The following NETO2 variants were observed in gnomAD, a reference collection of about 807,000 sequenced individuals.
NETO2 encodes neuropilin and tolloid like 2, also known as neuropilin and tolloid-like protein 2.
In NETO2, 28 loss-of-function variants were observed where a neutral mutation model predicts 62.5. That is an observed-to-expected ratio of 0.45 (90% CI 0.33 to 0.61). The LOEUF is 0.61. NETO2 is among the 20% of genes least tolerant of loss of function. The pLI is 0.02. For missense variants in NETO2, 548 were observed against 643.2 expected, an observed-to-expected ratio of 0.85 and a Z score of 1.60; for synonymous variants, 214 against 219.1, an observed-to-expected ratio of 0.98 and a Z score of 0.21.
At chr16:47,123,383 G>A (rs969418963) in intron 4 of NETO2, among the ~76,000 whole-genome samples, 2 of 152,244 alleles carry the variant, frequency 1.3e-5, no homozygotes, top group Non-Finnish European at 2.9e-5. Flanking sequence ...GCTCATGCCT[G>A]TAGTGCCAGC....
intron 4 of NETO2, among the ~76,000 whole-genome samples, chr16:47,123,988 C>T (rs1167497314): frequency 6.6e-6 from 1 of 152,208 alleles, no homozygotes; most frequent in East Asian, 1.9e-4. Flanking sequence ...TGAGCCACTG[C>T]ACCCGGACTG....
intron 1 of NETO2, among the ~76,000 whole-genome samples, chr16:47,134,739 G>T (rs1400238952): frequency 6.6e-6 from 1 of 152,194 alleles, no homozygotes; most frequent in African/African-American, 2.4e-5. Context: ...AGGCAAGACA[G>T]CAACGGCAAC....
intron 7 of NETO2, among the ~76,000 whole-genome samples, chr16:47,090,852 A>G (rs1963297590): frequency 6.6e-6 from 1 of 152,202 alleles, no homozygotes; most frequent in South Asian, 2.1e-4. Context: ...ATTCTGTATC[A>G]TTCATTTTAG....
rs1425396696 is a variant in NETO2 at position 47,083,413 on chromosome 16, T to C, written c.1386A>G (p.Arg462=). The C allele has an allele frequency of 1.1e-5, 18 of 1,614,088 alleles. No individual in the cohort carries two copies. Among genetic ancestry groups the C allele is most frequent in the Non-Finnish European group, 1.4e-5 (17 of 1,180,050 alleles). Residue 462 remains arginine, a synonymous_variant, in exon 9 of 9, where the codon CGA becomes CGG. Transcript: ENST00000562435. ...TTGGCTGTGGTTGTGCAAAGTCATT[T>C]CGGAAAGGAAGTTCCATGGAACTGA... ...TNLSSMELPF[R]NDFAQPQPMK...
rs772236903 is a variant in NETO2 at position 47,129,349 on chromosome 16, C to T, written c.107G>A (p.Gly36Glu). The T allele has an allele frequency of 1.2e-6, 2 of 1,613,864 alleles. No homozygotes were observed. The highest frequency in any genetic ancestry group is 1.3e-5 in the African/African-American group (1 of 75,018). Reference protein sequence around the residue: ...AQKTQDGQNIGIKHIPATQCG... With the variant: ...AQKTQDGQNIEIKHIPATQCG... ...CTGGGTTGCAGGAATATGCTTGATT[C>T]CAATATTTTGTCCATCTTAGGGAAA... Residue 36 changes from glycine (G) to glutamate (E), a missense_variant, in exon 3 of 9, where the codon GGA becomes GAA. Gly to Glu is a moderately conservative substitution (Grantham distance 98). Coordinates refer to ENST00000562435, the MANE Select transcript of NETO2 (RefSeq NM_018092.5).
chr16:47,136,381 A>G (rs756797303), intron 1 of NETO2, among the ~76,000 whole-genome samples: 28 of 152,158 alleles, frequency 1.8e-4, no homozygotes, highest in South Asian at 8.3e-4. Flanking sequence ...AAAAGCTCAG[A>G]AATAGATATA....
intron 6 of NETO2, among the ~76,000 whole-genome samples, chr16:47,120,443 C>T (rs945992277): frequency 6.6e-6 from 1 of 152,118 alleles, no homozygotes; most frequent in Admixed American, 6.5e-5. Flanking sequence ...TATAGGTATA[C>T]AGTGCATAAT....
chr16:47,120,500 ATG>A (rs1964015591), intron 6 of NETO2, among the ~76,000 whole-genome samples: 1 of 152,260 alleles, frequency 6.6e-6, no homozygotes, highest in South Asian at 2.1e-4. Context: ...AGCATTTATC[ATG>A]TGTTACAAAT....
rs1963091734 is a variant in NETO2, at chr16:47,082,627, G to A, written c.*594C>T. 6.6e-6 allele frequency: 1 copy of A among 152,156 alleles called. No homozygotes were observed. Among genetic ancestry groups the A allele is most frequent in the Non-Finnish European group, 1.5e-5 (1 of 68,028 alleles). The allele number at this position is 152,156 out of a possible 1,614,324, so 9.4% of individuals were successfully genotyped here. On this transcript the variant is annotated 3_prime_UTR_variant, in exon 9 of 9. Coordinates refer to ENST00000562435, the MANE Select transcript of NETO2 (RefSeq NM_018092.5). The stretch of plus-strand genomic sequence containing the variant: ...TTAAAAGGCAGAAGTACAGAGATTA[G>A]CCAAGAAGAAACAGATGGGTGAAAT...
chr16:47,124,454 C>T (rs886308084), intron 4 of NETO2, among the ~76,000 whole-genome samples: 14 of 152,156 alleles, frequency 9.2e-5, no homozygotes, highest in Non-Finnish European at 1.5e-4. Flanking sequence ...AAATGAACTT[C>T]TCACCATTGT....
chr16:47,137,322 C>T (rs573019746), intron 1 of NETO2, among the ~76,000 whole-genome samples: 1 of 152,242 alleles, frequency 6.6e-6, no homozygotes, highest in Admixed American at 6.5e-5. Context: ...TGAGAATCTG[C>T]CTTTTAACAA....
At chr16:47,141,427 A>G (rs530688033) in intron 1 of NETO2, among the ~76,000 whole-genome samples, 1 of 152,158 alleles carries the variant, frequency 6.6e-6, no homozygotes, top group Non-Finnish European at 1.5e-5. Context: ...AAATTAAAAT[A>G]TTGATTTTTA....
rs567262046 is a variant in NETO2 at position 47,100,681 on chromosome 16, G to A, written c.883+8802C>T. Among the ~76,000 whole-genome samples the A allele has an allele frequency of 7.0e-4, 106 of 152,184 alleles. 1 individual carries two copies. The highest frequency in any genetic ancestry group is 2.4e-3 in the African/African-American group (98 of 41,512). Reference sequence around the variant, plus strand: ...CAGAGAATACTATAAACACCTCTACGCAAATAAACTAGAAAATATAGAAGA... The same window carrying A: ...CAGAGAATACTATAAACACCTCTACACAAATAAACTAGAAAATATAGAAGA... On this transcript the variant is annotated intron_variant, in intron 7 of 8. Coordinates refer to ENST00000562435, the MANE Select transcript of NETO2 (RefSeq NM_018092.5).
intron 7 of NETO2, among the ~76,000 whole-genome samples, chr16:47,092,145 G>A (rs2143823643): frequency 6.6e-6 from 1 of 151,636 alleles, no homozygotes; most frequent in African/African-American, 2.4e-5. Flanking sequence ...ACTGTGTCCA[G>A]TCCATGCCCA....
intron 7 of NETO2, among the ~76,000 whole-genome samples, chr16:47,096,881 G>A (rs139554691): frequency 2.6e-3 from 390 of 152,334 alleles, no homozygotes; most frequent in Middle Eastern, 0.024. Context: ...TACAGCCCAC[G>A]GAGGACGAGT....
intron 7 of NETO2, among the ~76,000 whole-genome samples, chr16:47,090,698 G>A (rs1051231611): frequency 1.3e-5 from 2 of 152,104 alleles, no homozygotes; most frequent in African/African-American, 4.8e-5. Flanking sequence ...ATCACATTAC[G>A]GGTTTATTCT....
At chr16:47,141,480 A>G (rs899380697) in intron 1 of NETO2, among the ~76,000 whole-genome samples, 1 of 151,986 alleles carries the variant, frequency 6.6e-6, no homozygotes, top group African/African-American at 2.4e-5. Context: ...AAACAAAAAC[A>G]AAATCAAGTG....
At position 47,109,670 on chromosome 16, in the gene NETO2, A is replaced by G; in HGVS notation, c.696T>C (p.Asn232=). Residue 232 remains asparagine, a synonymous_variant, in exon 7 of 9, where the codon AAT becomes AAC. Transcript: ENST00000562435. ...RFLDYQMEHS[N]ECKRNFVAVY... ...CTGCAACGAAGTTTCTCTTGCATTC[A>G]TTTGAGTGCTCCATTTGATAATCTA... 6.2e-7 allele frequency: 1 copy of G among 1,614,054 alleles called. No individual in the cohort carries two copies. The highest frequency in any genetic ancestry group is 8.5e-7 in the Non-Finnish European group (1 of 1,179,892).
rs1400523147 is a variant in NETO2 at position 47,081,641 on chromosome 16, T to C, written c.*1580A>G. 6.6e-6 allele frequency: 1 copy of C among 152,584 alleles called. No individual in the cohort carries two copies. 9.5% of individuals were successfully genotyped at this position (152,584 alleles called of 1,614,324 possible). On this transcript the variant is annotated 3_prime_UTR_variant, in exon 9 of 9. Coordinates refer to ENST00000562435, the MANE Select transcript of NETO2 (RefSeq NM_018092.5). The stretch of plus-strand genomic sequence containing the variant: ...GAAATCCAGTGAAACTTCAACTTAT[T>C]TCATTGAGAATTTACTAACAAAATA...
Sources: allele counts gnomAD v4.1 joint callset (sites outside exome capture counted in the v4.1 genomes callset), GRCh38; gene constraint gnomAD v4.1.1; transcripts MANE v1.5; gene names NCBI Gene and HGNC (gene_info 2026-07-23, HGNC 2026-07-21).